The following ALAS1 variants were observed in gnomAD, a reference collection of about 807,000 sequenced individuals.
The protein encoded by ALAS1 is 5-aminolevulinate synthase, non-specific, mitochondrial.
Under a neutral mutation model 59.6 loss-of-function variants are expected in ALAS1, and 29 were observed. That is an observed-to-expected ratio of 0.49 (90% CI 0.36 to 0.66). The LOEUF (loss-of-function observed/expected upper bound fraction) is 0.66, where lower values mean the gene tolerates loss of function less well. Ranked by LOEUF, ALAS1 falls within the 30% of genes least tolerant of loss-of-function variation. ALAS1 has a pLI of 0.00. For missense variants in ALAS1, 690 were observed against 807.5 expected (o/e 0.85, Z 1.76); for synonymous variants, 299 against 296.6 (o/e 1.01, Z -0.08).
upstream of ALAS1, chr3:52,198,106 G>T: frequency 2.5e-6 from 1 of 398,010 alleles, no homozygotes; most frequent in Non-Finnish European, 4.4e-6. Context: ...CGCCCAAGGC[G>T]CATGCGCAGC....
chr3:52,200,741 A>G (rs536095758), intron 3 of ALAS1, among the ~76,000 whole-genome samples: 1 of 152,384 alleles, frequency 6.6e-6, no homozygotes, highest in Admixed American at 6.5e-5. Flanking sequence ...GTTTTTAACA[A>G]AGAGACTAGA....
Position 52,211,332 on chromosome 3 carries a change from G to C in ALAS1, c.1380G>C (p.Leu460=). The C allele has an allele frequency of 6.2e-7, 1 of 1,614,210 alleles. No homozygotes were observed. The part of the protein sequence containing the change: ...VGGYIASTSS[L]IDTVRSYAAG... ...GGTACATCGCCAGCACGAGTTCTCTGATTGACACCGTACGGTCCTATGCTG... is the reference window on the plus strand; with the variant it reads ...GGTACATCGCCAGCACGAGTTCTCTCATTGACACCGTACGGTCCTATGCTG... Residue 460 remains leucine (L), a synonymous_variant, in exon 10 of 12, where the codon CTG becomes CTC. Coordinates refer to ENST00000484952, the MANE Select transcript of ALAS1 (RefSeq NM_000688.6).
chr3:52,209,420 A>G (rs537630597), intron 9 of ALAS1, among the ~76,000 whole-genome samples: 4 of 151,818 alleles, frequency 2.6e-5, no homozygotes, highest in Non-Finnish European at 5.9e-5. Flanking sequence ...TGTTAGCCAG[A>G]ATGTTCTCAA....
intron 8 of ALAS1, among the ~76,000 whole-genome samples, chr3:52,207,411 C>G (rs1699317374): frequency 6.6e-6 from 1 of 152,148 alleles, no homozygotes; most frequent in South Asian, 2.1e-4. Context: ...GCTGGGATTA[C>G]AGGCGTGAGC....
In ALAS1 at chr3:52,198,214, T is replaced by A; in HGVS notation, c.-251T>A. On this transcript the variant is annotated 5_prime_UTR_variant, in exon 1 of 12. Transcript: ENST00000484952. ...TTTCGTTTGGACTTCTCGACTTGAG[T>A]GCCCGCCTCCTTCGCCGCCGCCTCT... 2.5e-6 allele frequency: 1 copy of A among 398,932 alleles called. No individual in the cohort carries two copies. The highest frequency in any genetic ancestry group is 4.4e-6 in the Non-Finnish European group (1 of 226,186). 24.7% of individuals were successfully genotyped at this position (398,932 alleles called of 1,614,324 possible).
intron 2 of ALAS1, 37 bp downstream of exon 2, chr3:52,198,885 C>G: frequency 6.5e-7 from 1 of 1,534,604 alleles, no homozygotes; most frequent in Non-Finnish European, 8.7e-7. Context: ...GTGCATCTCC[C>G]TAAGAAACCT....
intron 11 of ALAS1, 35 bp downstream of exon 11, chr3:52,212,455 G>A (rs1699430890): frequency 1.9e-6 from 3 of 1,612,526 alleles, no homozygotes; most frequent in South Asian, 1.1e-5. Flanking sequence ...GCCTCACTGA[G>A]GAGTTGCATA....
At position 52,204,696 on chromosome 3, in the gene ALAS1, T is replaced by C; in HGVS notation, c.581T>C (p.Val194Ala). The change falls in exon 6 of 12, where the codon GTT (valine) becomes GCT (alanine). Residue 194 changes from valine (V) to alanine (A), a missense_variant. Val to Ala is a moderately conservative substitution (Grantham distance 64, BLOSUM62 0). Transcript: ENST00000484952. ...HLLQDNLPKSVSTFQYDRFFE... is the reference protein window; with the variant it reads ...HLLQDNLPKSASTFQYDRFFE... ...CTGTCTTTTGTTCAATTTTTAGCTG[T>C]TTCCACTTTTCAGTATGATCGTTTC... 1 of 1,613,566 alleles carries C rather than the reference T, an allele frequency of 6.2e-7. No individual in the cohort carries two copies. Among genetic ancestry groups the C allele is most frequent in the African/African-American group, 1.3e-5 (1 of 75,034 alleles).
intron 10 of ALAS1, 37 bp downstream of exon 10, chr3:52,211,588 G>C (rs767700643): frequency 1.9e-6 from 3 of 1,608,238 alleles, no homozygotes; most frequent in Non-Finnish European, 2.6e-6. Flanking sequence ...GCCGTGGGGT[G>C]TGCCTCTACA....
intron 10 of ALAS1, among the ~76,000 whole-genome samples, chr3:52,211,905 G>A (rs1699418144): frequency 1.3e-5 from 2 of 152,184 alleles, no homozygotes; most frequent in Non-Finnish European, 2.9e-5. Flanking sequence ...CACTACAAAT[G>A]GTAGCACTGT....
chr3:52,205,017 AAG>A, intron 6 of ALAS1, 102 bp downstream of exon 6: 1 of 980,186 alleles, frequency 1.0e-6, no homozygotes, highest in Non-Finnish European at 1.6e-6. Flanking sequence ...CAGTAGCTGA[AAG>A]TGTGCCATAG....
intron 3 of ALAS1, among the ~76,000 whole-genome samples, chr3:52,199,756 T>G (rs1197864880): frequency 6.6e-6 from 1 of 152,228 alleles, no homozygotes; most frequent in Admixed American, 6.5e-5. Context: ...ATGTTCTAAT[T>G]TCCCTCATTA....
intron 4 of ALAS1, 151 bp from the exon 5 acceptor site, chr3:52,203,712 T>C (rs1699236872): frequency 3.9e-6 from 3 of 762,312 alleles, no homozygotes; most frequent in Non-Finnish European, 6.0e-6. Flanking sequence ...ATAGAAGAGA[T>C]GCTTTGTACA....
intron 6 of ALAS1, among the ~76,000 whole-genome samples, chr3:52,205,618 G>T (rs955531493): frequency 6.6e-6 from 1 of 152,120 alleles, no homozygotes; most frequent in African/African-American, 2.4e-5. Context: ...ATGAACACTT[G>T]TTCTTGATGA....
intron 11 of ALAS1, among the ~76,000 whole-genome samples, chr3:52,213,437 T>TATTTTTATAAAAGCCTTAAA (rs1361968786): frequency 2.0e-5 from 3 of 152,238 alleles, no homozygotes; most frequent in Non-Finnish European, 4.4e-5. Context: ...TCTCTTTATT[T>TATTTTTATAAAAGCCTTAAA]ATTTTTATAA....
rs189001590 is a variant in ALAS1, at chr3:52,213,228, G to A, written c.1763-792G>A. 8.5e-5 allele frequency among the ~76,000 whole-genome samples: 13 copies of A among 152,334 alleles called. No homozygotes were observed. In the East Asian group the frequency reaches 1.3e-3, roughly 16 times the overall value. The stretch of plus-strand genomic sequence containing the variant: ...CACCCATGTCCAACCTAAAGGCAGA[G>A]ATGGAAGGGGGCTATTAGCCACAGG... On this transcript the variant is annotated intron_variant, in intron 11 of 11. Coordinates refer to ENST00000484952, the MANE Select transcript of ALAS1 (RefSeq NM_000688.6).
chr3:52,198,833 T>A lies in ALAS1; in HGVS notation c.-48T>A. 6.5e-7 allele frequency: 1 copy of A among 1,535,656 alleles called. No homozygotes were observed. Among genetic ancestry groups the A allele is most frequent in the Non-Finnish European group, 8.7e-7 (1 of 1,146,872 alleles). ...TCCCTGCCTGGATGGATGAGTGGCT[T>A]CTTCTCCACCTAGATGTAAGCCAAG... is the stretch of plus-strand genomic sequence containing the variant. On this transcript the variant is annotated 5_prime_UTR_variant, in exon 2 of 12. Transcript: ENST00000484952.
At chr3:52,207,432 G>A (rs1192381063) in intron 8 of ALAS1, among the ~76,000 whole-genome samples, 1 of 152,052 alleles carries the variant, frequency 6.6e-6, no homozygotes, top group Non-Finnish European at 1.5e-5. Flanking sequence ...CACCGCGCCT[G>A]GCCTGTTGTG....
chr3:52,210,648 G>C (rs1699385862), intron 9 of ALAS1, among the ~76,000 whole-genome samples: 1 of 152,002 alleles, frequency 6.6e-6, no homozygotes, highest in Admixed American at 6.6e-5. Context: ...CAGGCATGGT[G>C]GTGTACACCT....
Sources: allele counts gnomAD v4.1 joint callset (sites outside exome capture counted in the v4.1 genomes callset), GRCh38; gene constraint gnomAD v4.1.1; transcripts MANE v1.5; gene names NCBI Gene and HGNC (gene_info 2026-07-23, HGNC 2026-07-21).